The following CCND1 variants were observed in gnomAD, a reference collection of about 807,000 sequenced individuals.
The protein encoded by CCND1 is G1/S-specific cyclin-D1.
In CCND1, 9 loss-of-function variants were observed where a neutral mutation model predicts 26.1. The observed-to-expected ratio is 0.35, with a 90% confidence interval of 0.21 to 0.60. CCND1 has a LOEUF of 0.60. Among genes scored for constraint, CCND1 ranks in the 20% least tolerant of loss-of-function variants. CCND1 has a pLI of 0.79. For synonymous variants in CCND1, 194 were observed against 166.1 expected (o/e 1.17, Z -1.29); for missense variants, 335 against 392.9 (o/e 0.85, Z 1.25).
Position 69,652,892 on chromosome 11 carries a change from A to G in CCND1, c.*1610A>G. 1 of 267,164 alleles carries G rather than the reference A, an allele frequency of 3.7e-6. No homozygotes were observed. Among genetic ancestry groups the G allele is most frequent in the East Asian group, 5.6e-5 (1 of 17,816 alleles). The allele number at this position is 267,164 out of a possible 1,614,324, so 16.5% of individuals were successfully genotyped here. The stretch of plus-strand genomic sequence containing the variant: ...AGGTGAGAAAAAAACAATCTGGAAG[A>G]AAAAAACCACACAAAGACATTGATT... On this transcript the variant is annotated 3_prime_UTR_variant, in exon 5 of 5. Coordinates refer to ENST00000227507, the MANE Select transcript of CCND1 (RefSeq NM_053056.3).
In CCND1 at chr11:69,643,240, G is replaced by A. The variant is rs900779300; in HGVS notation, c.408G>A (p.Glu136=). The change falls in exon 2 of 5, where the codon GAG becomes GAA. Residue 136 remains glutamate (E), a synonymous_variant. Coordinates refer to ENST00000227507, the MANE Select transcript of CCND1 (RefSeq NM_053056.3). ...CCGACAACTCCATCCGGCCCGAGGA[G>A]CTGCTGGTAACCACTGGACCCCGCC... ...IYTDNSIRPE[E]LLQMELLLVN... The A allele has an allele frequency of 5.7e-6, 9 of 1,577,902 alleles. No homozygotes were observed. Among genetic ancestry groups the A allele is most frequent in the South Asian group, 2.3e-5 (2 of 86,742 alleles).
Position 69,653,237 on chromosome 11 carries a change from T to C in CCND1, c.*1955T>C, listed in dbSNP as rs1403490211. ...GGGACAGGCCGCAGCTCCATTTTCT[T>C]ATTGCGCTGCTACCGTTGACTTCCA... On this transcript the variant is annotated 3_prime_UTR_variant, in exon 5 of 5. Coordinates refer to ENST00000227507, the MANE Select transcript of CCND1 (RefSeq NM_053056.3). The C allele has an allele frequency of 2.9e-6, 2 of 700,796 alleles. No individual in the cohort carries two copies. Among genetic ancestry groups the C allele is most frequent in the Non-Finnish European group, 5.2e-6 (2 of 384,352 alleles). 43.4% of individuals were successfully genotyped at this position (700,796 alleles called of 1,614,324 possible).
chr11:69,648,342 G>A (rs946864348), intron 4 of CCND1, 200 bp downstream of exon 4: 14 of 599,480 alleles, frequency 2.3e-5, no homozygotes, highest in Admixed American at 6.1e-5. Flanking sequence ...GACTGGCTGG[G>A]AGGTCCTCAC....
At chr11:69,646,486 C>T (rs1163844963) in intron 3 of CCND1, among the ~76,000 whole-genome samples, 1 of 152,202 alleles carries the variant, frequency 6.6e-6, no homozygotes, top group East Asian at 1.9e-4. Flanking sequence ...GGGGGCCCCT[C>T]TCCCTTTGTG....
At chr11:69,649,612 CTT>C (rs747296089) in intron 4 of CCND1, among the ~76,000 whole-genome samples, 1 of 152,342 alleles carries the variant, frequency 6.6e-6, no homozygotes, top group South Asian at 2.1e-4. Flanking sequence ...ACACCAGTGA[CTT>C]TTCGCGGAGG....
intron 3 of CCND1, chr11:69,644,258 C>T (rs1199559277): frequency 3.9e-6 from 2 of 506,480 alleles, no homozygotes; most frequent in Non-Finnish European, 7.2e-6. Flanking sequence ...TCCCGTTACT[C>T]TGGCCTCGTC....
chr11:69,648,686 G>C (rs956861373), intron 4 of CCND1, among the ~76,000 whole-genome samples: 3 of 147,750 alleles, frequency 2.0e-5, no homozygotes, highest in Non-Finnish European at 4.5e-5. Context: ...TTTTCTTAAA[G>C]AAAGAATTAA....
Position 69,654,296 on chromosome 11 carries a change from G to A in CCND1, c.*3014G>A. On this transcript the variant is annotated 3_prime_UTR_variant, in exon 5 of 5. Transcript: ENST00000227507. The surrounding 1 kb of genome is among the most constrained non-coding windows in gnomAD (Gnocchi z 6.3). ...CCAAAGGCTGGTGGCAAGTGCACGG[G>A]GCACAGCGGAGTCTGTCCTGTGACG... 1.4e-6 allele frequency: 1 copy of A among 702,594 alleles called. No homozygotes were observed. Among genetic ancestry groups the A allele is most frequent in the Non-Finnish European group, 2.6e-6 (1 of 385,002 alleles). 43.5% of individuals were successfully genotyped at this position (702,594 alleles called of 1,614,324 possible). A position where few individuals can be genotyped will look rare whatever the true frequency, so the allele number is the denominator to read the frequency against.
In CCND1 at chr11:69,654,178, C is replaced by A. The variant is rs758200830; in HGVS notation, c.*2896C>A. On this transcript the variant is annotated 3_prime_UTR_variant, in exon 5 of 5. Transcript: ENST00000227507. The surrounding 1 kb of genome is among the most constrained non-coding windows in gnomAD (Gnocchi z 6.3). ...CTTACCTCAACCATCCTGGCTGCGG[C>A]GTCTGTCTGAACCACGCGGGGGCCT... 1.0e-5 allele frequency: 7 copies of A among 680,212 alleles called. No homozygotes were observed. In the African/African-American group the frequency reaches 1.2e-4, roughly 12 times the overall value. 42.1% of individuals were successfully genotyped at this position (680,212 alleles called of 1,614,324 possible).
Position 69,643,174 on chromosome 11 carries a change from G to A in CCND1, c.342G>A (p.Lys114=), listed in dbSNP as rs1304243686. ...GCATGTTCGTGGCCTCTAAGATGAA[G>A]GAGACCATCCCCCTGACGGCCGAGA... The part of the protein sequence containing the change: ...ATCMFVASKM[K]ETIPLTAEKL... Residue 114 remains lysine, a synonymous_variant, in exon 2 of 5, where the codon AAG becomes AAA. Coordinates refer to ENST00000227507, the MANE Select transcript of CCND1 (RefSeq NM_053056.3). The A allele has an allele frequency of 3.1e-6, 5 of 1,608,602 alleles. No individual in the cohort carries two copies. The highest frequency in any genetic ancestry group is 1.3e-5 in the African/African-American group (1 of 74,806).
At position 69,654,172 on chromosome 11, in the gene CCND1, C is replaced by T. The variant is rs948081304; in HGVS notation, c.*2890C>T. 3.2e-6 allele frequency: 2 copies of T among 624,048 alleles called. No individual in the cohort carries two copies. The highest frequency in any genetic ancestry group is 3.6e-5 in the African/African-American group (2 of 55,062). The allele number at this position is 624,048 out of a possible 1,614,324, so 38.7% of individuals were successfully genotyped here. A position where few individuals can be genotyped will look rare whatever the true frequency, so the allele number is the denominator to read the frequency against. On this transcript the variant is annotated 3_prime_UTR_variant, in exon 5 of 5. Transcript: ENST00000227507. The surrounding 1 kb of genome is among the most constrained non-coding windows in gnomAD (Gnocchi z 6.3). ...CTCACGCTTACCTCAACCATCCTGG[C>T]TGCGGCGTCTGTCTGAACCACGCGG... is the stretch of plus-strand genomic sequence containing the variant.
chr11:69,645,871 G>A (rs1041645833), intron 3 of CCND1, among the ~76,000 whole-genome samples: 1 of 152,190 alleles, frequency 6.6e-6, no homozygotes, highest in African/African-American at 2.4e-5. Context: ...ATACACTCAC[G>A]CATGGGGGTT....
At chr11:69,644,223 G>A in intron 3 of CCND1, 1 of 566,736 alleles carries the variant, frequency 1.8e-6, no homozygotes, top group Non-Finnish European at 3.2e-6. Context: ...TTGGGCATTG[G>A]TGTGGACGGC....
rs1364913527 is a variant in CCND1, at chr11:69,654,323, G to T, written c.*3041G>T. On this transcript the variant is annotated 3_prime_UTR_variant, in exon 5 of 5. Coordinates refer to ENST00000227507, the MANE Select transcript of CCND1 (RefSeq NM_053056.3). This position sits in a 1 kb window ranked among gnomAD's most constrained non-coding sequence, Gnocchi z 6.3. ...CACAGCGGAGTCTGTCCTGTGACGC[G>T]CAAGTCTGAGGGTCTGGGCGGCGGG... 1.4e-6 allele frequency: 1 copy of T among 702,590 alleles called. No homozygotes were observed. Among genetic ancestry groups the T allele is most frequent in the Non-Finnish European group, 2.6e-6 (1 of 385,012 alleles). The allele number at this position is 702,590 out of a possible 1,614,324, so 43.5% of individuals were successfully genotyped here. A position where few individuals can be genotyped will look rare whatever the true frequency, so the allele number is the denominator to read the frequency against.
rs1301043705 is a variant in CCND1, at chr11:69,641,385, C to T, written c.72C>T (p.Asn24=). Residue 24 remains asparagine, a synonymous_variant, in exon 1 of 5, where the codon AAC becomes AAT. Coordinates refer to ENST00000227507, the MANE Select transcript of CCND1 (RefSeq NM_053056.3). ...RRAYPDANLL[N]DRVLRAMLKA... is the part of the protein sequence containing the mutation. ...CGTACCCCGATGCCAACCTCCTCAA[C>T]GACCGGGTGCTGCGGGCCATGCTGA... 1 of 1,613,472 alleles carries T rather than the reference C, an allele frequency of 6.2e-7. No homozygotes were observed. Among genetic ancestry groups the T allele is most frequent in the Non-Finnish European group, 8.5e-7 (1 of 1,180,018 alleles).
intron 1 of CCND1, among the ~76,000 whole-genome samples, chr11:69,642,662 C>T (rs983186288): frequency 6.6e-6 from 1 of 152,132 alleles, no homozygotes; most frequent in African/African-American, 2.4e-5. Flanking sequence ...CGCCCAACCC[C>T]GCGGCCCGTT....
intron 4 of CCND1, among the ~76,000 whole-genome samples, chr11:69,649,974 A>T (rs542237883): frequency 6.6e-6 from 1 of 152,244 alleles, no homozygotes; most frequent in African/African-American, 2.4e-5. Flanking sequence ...AATTTATCTG[A>T]GGGGCGGGAG....
intron 4 of CCND1, among the ~76,000 whole-genome samples, chr11:69,650,196 G>C (rs536279441): frequency 6.6e-6 from 1 of 152,356 alleles, no homozygotes; most frequent in African/African-American, 2.4e-5. Flanking sequence ...GCTGCCTAGA[G>C]ACTTGGCTTG....
intron 1 of CCND1, among the ~76,000 whole-genome samples, chr11:69,642,350 G>A (rs981634043): frequency 1.3e-5 from 2 of 151,868 alleles, no homozygotes; most frequent in Non-Finnish European, 1.5e-5. Flanking sequence ...CGCCTGAGGG[G>A]CCCGCAAGTA....
Sources: gnomAD v4.1 joint callset for allele counts (sites outside exome capture counted in the v4.1 genomes callset) on GRCh38, gnomAD v4.1.1 for gene constraint, Gnocchi (gnomAD v3.1) non-coding constraint, MANE v1.5 for transcripts, NCBI Gene and HGNC (gene_info 2026-07-23, HGNC 2026-07-21) for gene names.